ACSS2: variants seen among roughly 807,000 people sequenced by gnomAD.
The protein encoded by ACSS2 is acyl-CoA synthetase short chain family member 2.
In ACSS2, 58 loss-of-function variants were observed where a neutral mutation model predicts 90.6. The ratio of observed to expected loss-of-function variants is 0.64; its 90% CI spans 0.52 to 0.80. ACSS2 has a LOEUF of 0.80. Among genes scored for constraint, ACSS2 ranks in the 30% least tolerant of loss-of-function variants. The probability of loss-of-function intolerance (pLI) is 0.00; values close to 1 mark genes in which losing one functional copy is unlikely to be tolerated. For synonymous variants in ACSS2, 300 were observed against 330.9 expected (o/e 0.91, Z 1.01); for missense variants, 759 against 912.0 (o/e 0.83, Z 2.16).
At chr20:34,875,080 C>T (rs1568952550), upstream of ACSS2, 1 of 534,734 alleles carries the variant, frequency 1.9e-6, no homozygotes, top group Non-Finnish European at 3.8e-6. Flanking sequence ...TCCTTCCTGC[C>T]TTGACAGCCA....
At chr20:34,896,323 G>C (rs1451994360) in intron 2 of ACSS2, among the ~76,000 whole-genome samples, 1 of 152,138 alleles carries the variant, frequency 6.6e-6, no homozygotes, top group Non-Finnish European at 1.5e-5. Flanking sequence ...TTCTCTTCCA[G>C]CCTCTTCACA....
chr20:34,889,074 G>A (rs917656700), intron 2 of ACSS2, among the ~76,000 whole-genome samples: 43 of 147,548 alleles, frequency 2.9e-4, no homozygotes, highest in South Asian at 1.5e-3. Context: ...GTACGATCTC[G>A]GCTCACTGCA....
chr20:34,921,207 CTCT>C (rs1218968720), intron 10 of ACSS2, 68 bp downstream of exon 10: 22 of 1,609,724 alleles, frequency 1.4e-5, no homozygotes, highest in Non-Finnish European at 1.9e-5. Context: ...TTTGTACAGT[CTCT>C]TCTTTTCCAT....
intron 2 of ACSS2, among the ~76,000 whole-genome samples, chr20:34,902,691 T>G (rs1301965103): frequency 6.6e-6 from 1 of 151,926 alleles, no homozygotes; most frequent in African/African-American, 2.4e-5. Context: ...TGATCTGATT[T>G]GTGGTTTGTT....
intron 2 of ACSS2, among the ~76,000 whole-genome samples, chr20:34,897,072 T>C (rs1291064561): frequency 6.6e-6 from 1 of 151,946 alleles, no homozygotes; most frequent in African/African-American, 2.4e-5. Context: ...AATGAATGAA[T>C]GAATAGTGCT....
At chr20:34,912,155 AGTAGTTGTTGAATAAGCAAATGAAT>A (rs2080974727) in intron 2 of ACSS2, among the ~76,000 whole-genome samples, 1 of 152,212 alleles carries the variant, frequency 6.6e-6, no homozygotes, top group Admixed American at 6.5e-5. Context: ...GATAGCACAT[AGTAGTTGTTGAATAAGCAAATGAAT>A]GCATGAAGGA....
chr20:34,914,429 G>A lies in ACSS2; in HGVS notation c.826G>A (p.Asp276Asn). Reference sequence around the variant, plus strand: ...CCCCCCAATTAAGAGGTCATGCCCAGATGTGCAGGTGAGTCTGGCACTGCT... The same window carrying A: ...CCCCCCAATTAAGAGGTCATGCCCAAATGTGCAGGTGAGTCTGGCACTGCT... The part of the protein sequence containing the change: ...QSPPIKRSCP[D>N]VQISWNQGID... The change falls in exon 7 of 18, where the codon GAT becomes AAT. Residue 276 changes from aspartate (D) to asparagine (N), a missense_variant. By Grantham distance (23) the Asp-to-Asn change is conservative. Coordinates refer to ENST00000360596, the MANE Select transcript of ACSS2 (RefSeq NM_018677.4). 6.2e-7 allele frequency: 1 copy of A among 1,612,470 alleles called. No homozygotes were observed. The highest frequency in any genetic ancestry group is 8.5e-7 in the Non-Finnish European group (1 of 1,179,270).
intron 1 of ACSS2, among the ~76,000 whole-genome samples, chr20:34,879,014 C>T (rs928693583): frequency 6.6e-6 from 1 of 150,490 alleles, no homozygotes; most frequent in Non-Finnish European, 1.5e-5. Context: ...ACGCCATTCT[C>T]CTGCCTCAGC....
intron 2 of ACSS2, chr20:34,912,575 G>A (rs2378294): frequency 0.55 from 89,383 of 162,774 alleles, 25,323 homozygotes; most frequent in South Asian, 0.73. Flanking sequence ...GAGCCACCGC[G>A]CCTGGCCAAT....
intron 2 of ACSS2, among the ~76,000 whole-genome samples, chr20:34,902,276 AAAT>A (rs949728536): frequency 5.9e-5 from 9 of 152,302 alleles, no homozygotes; most frequent in African/African-American, 1.9e-4. Flanking sequence ...AAATTAGCAA[AAAT>A]AATAATAAGT....
At chr20:34,899,959 T>C (rs986488349) in intron 2 of ACSS2, among the ~76,000 whole-genome samples, 3 of 152,188 alleles carry the variant, frequency 2.0e-5, no homozygotes, top group Admixed American at 2.0e-4. Context: ...ATATGGTAAG[T>C]CTATATTTAA....
Position 34,919,829 on chromosome 20 carries a change from C to A in ACSS2, c.972+257C>A, listed in dbSNP as rs565344495. Reference sequence around the variant, plus strand: ...ACATGGATGTTCTTTCCCTATGCACCCATGGTTTGGTTGAAGGAGAGCTAT... The same window carrying A: ...ACATGGATGTTCTTTCCCTATGCACACATGGTTTGGTTGAAGGAGAGCTAT... On this transcript the variant is annotated intron_variant, in intron 8 of 17. Coordinates refer to ENST00000360596, the MANE Select transcript of ACSS2 (RefSeq NM_018677.4). Among the ~76,000 whole-genome samples the A allele has an allele frequency of 2.6e-5, 4 of 152,016 alleles. No individual in the cohort carries two copies. The South Asian group carries it at 8.3e-4, about 32-fold the overall frequency.
chr20:34,898,234 A>T (rs1490720455), intron 2 of ACSS2, among the ~76,000 whole-genome samples: 1 of 152,166 alleles, frequency 6.6e-6, no homozygotes, highest in Non-Finnish European at 1.5e-5. Flanking sequence ...GCGGGTTACC[A>T]CTGCTGGCTG....
At chr20:34,917,071 C>T (rs1263331784) in intron 7 of ACSS2, among the ~76,000 whole-genome samples, 1 of 152,212 alleles carries the variant, frequency 6.6e-6, no homozygotes, top group Admixed American at 6.5e-5. Context: ...ACCCCTCCAC[C>T]TCTATATACA....
In ACSS2 at chr20:34,913,080, T is replaced by C. The variant is rs532698383; in HGVS notation, c.375-16T>C. 57 of 1,604,478 alleles carry C rather than the reference T, an allele frequency of 3.6e-5. 2 individuals are homozygous for C. The South Asian group carries it at 6.2e-4, about 17-fold the overall frequency. On this transcript the variant is annotated splice_polypyrimidine_tract_variant and intron_variant, in intron 2 of 17. Coordinates refer to ENST00000360596, the MANE Select transcript of ACSS2 (RefSeq NM_018677.4). ...AGTTATACCCCTAATCACTGGTTCT[T>C]TCTGGTATGTCTCAGGGAGGGCAAT...
chr20:34,882,570 C>T (rs535269648), intron 1 of ACSS2, among the ~76,000 whole-genome samples: 1 of 151,744 alleles, frequency 6.6e-6, no homozygotes, highest in Non-Finnish European at 1.5e-5. Context: ...TGTGGTGAGC[C>T]GAGATCATGC....
Position 34,876,820 on chromosome 20 carries a change from C to A in ACSS2, c.175C>A (p.Arg59=), listed in dbSNP as rs2079924984. 1.5e-6 allele frequency: 2 copies of A among 1,299,888 alleles called. No homozygotes were observed. The highest frequency in any genetic ancestry group is 2.0e-6 in the Non-Finnish European group (2 of 1,020,852). 80.5% of individuals were successfully genotyped at this position (1,299,888 alleles called of 1,614,324 possible). A position where few individuals can be genotyped will look rare whatever the true frequency, so the allele number is the denominator to read the frequency against. ...GCACCGGCGCTCCGTGGAGGAGCCG[C>A]GGGGTGAGGCCCGGCCCGGGCGGGC... ...ELHRRSVEEP[R]EFWGDIAKEF... Residue 59 remains arginine, a synonymous_variant, in exon 1 of 18, where the codon CGG becomes AGG. Coordinates refer to ENST00000360596, the MANE Select transcript of ACSS2 (RefSeq NM_018677.4).
chr20:34,890,794 G>T (rs754695046), intron 2 of ACSS2, among the ~76,000 whole-genome samples: 4 of 151,976 alleles, frequency 2.6e-5, no homozygotes, highest in Admixed American at 1.3e-4. Context: ...TTCAGGAACT[G>T]GAGCTTTTGA....
intron 2 of ACSS2, among the ~76,000 whole-genome samples, chr20:34,906,869 A>G (rs1250166513): frequency 6.6e-6 from 1 of 150,880 alleles, no homozygotes; most frequent in Non-Finnish European, 1.5e-5. Flanking sequence ...TGTAATCCCA[A>G]CTACCTGGGA....
Sources: allele counts gnomAD v4.1 joint callset (sites outside exome capture counted in the v4.1 genomes callset), GRCh38; gene constraint gnomAD v4.1.1; transcripts MANE v1.5; gene names NCBI Gene and HGNC (gene_info 2026-07-23, HGNC 2026-07-21).